The following PDE4D variants were observed in gnomAD, a reference collection of about 807,000 sequenced individuals.
PDE4D encodes the protein 3',5'-cyclic-AMP phosphodiesterase 4D.
In PDE4D, 24 loss-of-function variants were observed where a neutral mutation model predicts 87.4. That is an observed-to-expected ratio of 0.27 (90% confidence interval 0.20 to 0.39). The LOEUF (loss-of-function observed/expected upper bound fraction) is 0.39. PDE4D is among the 10% of genes least tolerant of loss of function. PDE4D has a pLI of 1.00. For missense variants in PDE4D, 714 were observed against 1,041.0 expected (o/e 0.69, Z 4.32); for synonymous variants, 384 against 383.2 (o/e 1.00, Z -0.02).
chr5:59,285,568 C>G (rs140404519), intron 1 of PDE4D, among the ~76,000 whole-genome samples: 1 of 151,942 alleles, frequency 6.6e-6, no homozygotes, highest in Non-Finnish European at 1.5e-5. Context: ...TAAAGAAATA[C>G]ACTGGAAGAA....
At chr5:58,988,402 G>A in intron 11 of PDE4D, 91 bp downstream of exon 11, 1 of 463,278 alleles carries the variant, frequency 2.2e-6, no homozygotes, top group Non-Finnish European at 3.8e-6. Context: ...AGAACATTAT[G>A]GCTCTGGAAG....
At chr5:60,378,901 G>A (rs1440002552) in intron 1 of PDE4D, among the ~76,000 whole-genome samples, 1 of 151,964 alleles carries the variant, frequency 6.6e-6, no homozygotes, top group Non-Finnish European at 1.5e-5. Flanking sequence ...GAGAGAGAAA[G>A]AAAGAAAGAA....
chr5:59,239,355 G>A (rs375657728), intron 1 of PDE4D, among the ~76,000 whole-genome samples: 6 of 152,102 alleles, frequency 3.9e-5, no homozygotes, highest in East Asian at 3.9e-4. Context: ...CTCTGCCTCT[G>A]AATTCCTGGA....
chr5:59,148,041 G>A (rs895847120), intron 5 of PDE4D, among the ~76,000 whole-genome samples: 7 of 152,018 alleles, frequency 4.6e-5, no homozygotes, highest in African/African-American at 1.7e-4. Flanking sequence ...TTATATCTGA[G>A]TTATTTCCTC....
chr5:59,204,163 C>A (rs1748190746), intron 2 of PDE4D, among the ~76,000 whole-genome samples: 1 of 144,604 alleles, frequency 6.9e-6, no homozygotes, highest in Non-Finnish European at 1.5e-5. Context: ...AAATTTAAAA[C>A]AAGAATTAGA....
chr5:59,042,019 A>G (rs1034369788), intron 5 of PDE4D, among the ~76,000 whole-genome samples: 2 of 152,202 alleles, frequency 1.3e-5, no homozygotes, highest in African/African-American at 4.8e-5. Context: ...TATGATGATA[A>G]AATGGGGTAA....
chr5:60,502,978 G>A (rs1468694261), intron 1 of PDE4D, among the ~76,000 whole-genome samples: 1 of 152,006 alleles, frequency 6.6e-6, no homozygotes, highest in Admixed American at 6.6e-5. Flanking sequence ...GAAATTTTTA[G>A]AACCTTACAA....
chr5:60,108,597 T>A (rs534503070), intron 2 of PDE4D, among the ~76,000 whole-genome samples: 37 of 152,260 alleles, frequency 2.4e-4, no homozygotes, highest in African/African-American at 8.2e-4. Flanking sequence ...TCACGCTACC[T>A]GACTTCAAAC....
chr5:59,821,229 T>C (rs1019538579), intron 1 of PDE4D, among the ~76,000 whole-genome samples: 3 of 141,014 alleles, frequency 2.1e-5, no homozygotes, highest in African/African-American at 7.9e-5. Context: ...CAAGATTCTG[T>C]CTCAACAGCA....
intron 2 of PDE4D, among the ~76,000 whole-genome samples, chr5:59,195,666 C>T (rs1301141959): frequency 6.6e-6 from 1 of 152,170 alleles, no homozygotes; most frequent in Non-Finnish European, 1.5e-5. Flanking sequence ...ACTTCACTTT[C>T]CCTTGGCCTC....
chr5:59,217,345 C>G (rs1406922086), intron 1 of PDE4D: 1 of 450,008 alleles, frequency 2.2e-6, no homozygotes, highest in East Asian at 7.0e-5. Flanking sequence ...AAACTATTAA[C>G]TAGCTCATTT....
At chr5:60,420,046 A>G (rs1742954835) in intron 1 of PDE4D, among the ~76,000 whole-genome samples, 1 of 152,212 alleles carries the variant, frequency 6.6e-6, no homozygotes, top group Non-Finnish European at 1.5e-5. Context: ...ATACATTTGC[A>G]GAGTGAGAAT....
chr5:58,985,015 T>A (rs529446224), intron 11 of PDE4D, among the ~76,000 whole-genome samples: 10 of 152,254 alleles, frequency 6.6e-5, no homozygotes, highest in Non-Finnish European at 1.3e-4. Flanking sequence ...GTTCAAGCAA[T>A]TCTCCTGCCT....
chr5:59,668,827 A>AAAG (rs1554056663), intron 1 of PDE4D, among the ~76,000 whole-genome samples: 2 of 76,904 alleles, frequency 2.6e-5, no homozygotes, highest in East Asian at 8.2e-4. Context: ...AAGAAGAAGA[A>AAAG]GAAGAGGAAG....
chr5:59,843,693 C>T (rs986573074), intron 1 of PDE4D, among the ~76,000 whole-genome samples: 1 of 152,024 alleles, frequency 6.6e-6, no homozygotes, highest in African/African-American at 2.4e-5. Context: ...GGTGATGTCA[C>T]CTATGATAAA....
chr5:59,712,537 A>T (rs982964494), intron 1 of PDE4D, among the ~76,000 whole-genome samples: 5 of 111,040 alleles, frequency 4.5e-5, no homozygotes, highest in African/African-American at 1.6e-4. Context: ...CAACATTGCT[A>T]CCAGGGATTT....
chr5:59,170,821 G>T (rs948465215), intron 5 of PDE4D, among the ~76,000 whole-genome samples: 1 of 149,948 alleles, frequency 6.7e-6, no homozygotes, highest in Non-Finnish European at 1.5e-5. Context: ...AATTTGGATT[G>T]TTTTTAACCC....
chr5:60,317,284 T>C (rs998477263), intron 1 of PDE4D, among the ~76,000 whole-genome samples: 1 of 152,216 alleles, frequency 6.6e-6, no homozygotes, highest in South Asian at 2.1e-4. Context: ...TAGAGGTGTT[T>C]ATAGTATTCT....
At chr5:60,080,352 C>T (rs1362731357) in intron 2 of PDE4D, among the ~76,000 whole-genome samples, 1 of 152,126 alleles carries the variant, frequency 6.6e-6, no homozygotes, top group Non-Finnish European at 1.5e-5. Context: ...TTTCTCTCTT[C>T]CTATTTGATC....
Sources: allele counts gnomAD v4.1 joint callset (sites outside exome capture counted in the v4.1 genomes callset), GRCh38; gene constraint gnomAD v4.1.1; transcripts MANE v1.5; gene names NCBI Gene and HGNC (gene_info 2026-07-23, HGNC 2026-07-21).